The following BCAP29 variants were observed in gnomAD, a reference collection of about 807,000 sequenced individuals.
BCAP29 encodes B-cell receptor-associated protein 29.
In BCAP29, 34 loss-of-function variants were observed where a neutral mutation model predicts 31.8. The observed-to-expected ratio is 1.07, with a 90% CI of 0.81 to 1.42. The LOEUF (loss-of-function observed/expected upper bound fraction) is 1.42. Among genes scored for constraint, BCAP29 ranks in the 40% most tolerant of loss-of-function variants. The pLI, the probability that BCAP29 is intolerant of heterozygous loss-of-function variation, is 0.00. For missense variants in BCAP29, 314 were observed against 269.2 expected (o/e 1.17, Z -1.16); for synonymous variants, 104 against 91.3 (o/e 1.14, Z -0.79).
intron 3 of BCAP29, among the ~76,000 whole-genome samples, chr7:107,592,103 C>T (rs1808975179): frequency 6.6e-6 from 1 of 151,896 alleles, no homozygotes; most frequent in South Asian, 2.1e-4. Context: ...TGAGAACTTT[C>T]TAGAAAACAA....
chr7:107,593,008 A>G (rs1809156845), intron 3 of BCAP29, among the ~76,000 whole-genome samples: 1 of 152,224 alleles, frequency 6.6e-6, no homozygotes. Context: ...CTTTGTGAAT[A>G]TACTAAAAAC....
chr7:107,609,813 C>T (rs748854551), intron 6 of BCAP29, among the ~76,000 whole-genome samples: 10 of 152,102 alleles, frequency 6.6e-5, no homozygotes, highest in Non-Finnish European at 1.2e-4. Flanking sequence ...CTTGAATTCT[C>T]AGAAAGAGAA....
chr7:107,596,749 TA>T (rs1809888969), intron 5 of BCAP29, among the ~76,000 whole-genome samples: 1 of 152,232 alleles, frequency 6.6e-6, no homozygotes, highest in Non-Finnish European at 1.5e-5. Flanking sequence ...TGGAAAGTGT[TA>T]TTTTTTTCAT....
At chr7:107,584,627 C>G (rs1436791474) in intron 3 of BCAP29, among the ~76,000 whole-genome samples, 2 of 152,060 alleles carry the variant, frequency 1.3e-5, no homozygotes, top group Non-Finnish European at 2.9e-5. Context: ...GGAGGATTGC[C>G]TGAGCCCAGA....
chr7:107,582,332 G>T (rs1806840355), intron 2 of BCAP29, among the ~76,000 whole-genome samples: 1 of 152,136 alleles, frequency 6.6e-6, no homozygotes, highest in African/African-American at 2.4e-5. Context: ...ATATATAAAT[G>T]TGTTCTCATG....
At chr7:107,617,390 C>G (rs944163883) in intron 7 of BCAP29, among the ~76,000 whole-genome samples, 1 of 152,118 alleles carries the variant, frequency 6.6e-6, no homozygotes, top group African/African-American at 2.4e-5. Flanking sequence ...GGTCCCCTCC[C>G]TGTTATAGGC....
intron 6 of BCAP29, among the ~76,000 whole-genome samples, chr7:107,608,803 G>T (rs1039976114): frequency 6.6e-6 from 1 of 152,130 alleles, no homozygotes; most frequent in Non-Finnish European, 1.5e-5. Context: ...ACTTTGTATT[G>T]TTCACCTGAC....
intron 2 of BCAP29, among the ~76,000 whole-genome samples, chr7:107,582,118 CAAGAG>C (rs1216584662): frequency 6.6e-6 from 1 of 152,070 alleles, no homozygotes; most frequent in Non-Finnish European, 1.5e-5. Context: ...CCTATATACT[CAAGAG>C]AAAGAAAGAT....
rs767058768 is a variant in BCAP29 at position 107,583,926 on chromosome 7, C to A, written c.137C>A (p.Thr46Asn). ...FSFNVWGKIA[T>N]FWNKAFLTII... is the part of the protein sequence containing the mutation. ...TTTAATGTCTGGGGTAAAATTGCAA[C>A]TTTTTGGAACAAGGCTTTCCTTACC... The change falls in exon 3 of 8, where the codon ACT becomes AAT. Residue 46 changes from threonine (T) to asparagine (N), a missense_variant. Coordinates refer to ENST00000005259, the MANE Select transcript of BCAP29 (RefSeq NM_018844.4). 1.9e-6 allele frequency: 3 copies of A among 1,587,022 alleles called. No individual in the cohort carries two copies. The highest frequency in any genetic ancestry group is 2.6e-6 in the Non-Finnish European group (3 of 1,166,006).
intron 5 of BCAP29, 99 bp downstream of exon 5, chr7:107,596,101 G>A: frequency 9.6e-7 from 1 of 1,043,428 alleles, no homozygotes; most frequent in Non-Finnish European, 1.3e-6. Flanking sequence ...TATTTTATAA[G>A]CAGAAAATGA....
At chr7:107,594,247 G>T in intron 4 of BCAP29, 142 bp downstream of exon 4, 1 of 710,534 alleles carries the variant, frequency 1.4e-6, no homozygotes, top group South Asian at 2.0e-5. Flanking sequence ...GCAGTGCAGT[G>T]GTGCCTTCAT....
At chr7:107,607,801 A>C (rs1812392836) in intron 6 of BCAP29, among the ~76,000 whole-genome samples, 1 of 151,604 alleles carries the variant, frequency 6.6e-6, no homozygotes, top group South Asian at 2.1e-4. Flanking sequence ...CACCATGCCC[A>C]GCTAATTTTT....
At chr7:107,611,946 G>T (rs1247256999) in intron 6 of BCAP29, among the ~76,000 whole-genome samples, 1 of 152,080 alleles carries the variant, frequency 6.6e-6, no homozygotes, top group Non-Finnish European at 1.5e-5. Context: ...TCTAAGTAGT[G>T]ACTACCGTAT....
chr7:107,608,974 GCT>G (rs1439780112), intron 6 of BCAP29, among the ~76,000 whole-genome samples: 2 of 152,204 alleles, frequency 1.3e-5, no homozygotes, highest in African/African-American at 2.4e-5. Flanking sequence ...ATAAGACACA[GCT>G]CTGTTTCTTG....
chr7:107,598,027 C>G (rs1207806098), intron 5 of BCAP29, among the ~76,000 whole-genome samples: 1 of 152,022 alleles, frequency 6.6e-6, no homozygotes, highest in Non-Finnish European at 1.5e-5. Flanking sequence ...TTTCAGTGTT[C>G]TTGGTCTTTC....
At chr7:107,593,716 A>G (rs1809295574) in intron 3 of BCAP29, among the ~76,000 whole-genome samples, 1 of 152,196 alleles carries the variant, frequency 6.6e-6, no homozygotes, top group Non-Finnish European at 1.5e-5. Flanking sequence ...GGTAAGTACT[A>G]GATGAATAAT....
At chr7:107,622,941 A>T (rs1328092100), downstream of BCAP29, 1 of 151,226 alleles carries the variant, frequency 6.6e-6, no homozygotes, top group East Asian at 1.9e-4. Context: ...CCAGTTTTGT[A>T]TTTTTTTTTA....
Position 107,618,714 on chromosome 7 carries a change from G to A in BCAP29, c.*351G>A. ...GTTGCATGAAACCATTAATAGCCTT[G>A]AAAGCTTTGATAAGTTTTCAGTAAT... On this transcript the variant is annotated 3_prime_UTR_variant, in exon 8 of 8. Coordinates refer to ENST00000005259, the MANE Select transcript of BCAP29 (RefSeq NM_018844.4). 6 of 822,266 alleles carry A rather than the reference G, an allele frequency of 7.3e-6. No homozygotes were observed. The highest frequency in any genetic ancestry group is 1.7e-5 in the African/African-American group (1 of 57,876). 50.9% of individuals were successfully genotyped at this position (822,266 alleles called of 1,614,324 possible). A position where few individuals can be genotyped will look rare whatever the true frequency, so the allele number is the denominator to read the frequency against.
At chr7:107,621,497 A>G (rs1169092524), downstream of BCAP29, 3 of 353,160 alleles carry the variant, frequency 8.5e-6, no homozygotes, top group South Asian at 2.2e-5. Flanking sequence ...AGATATCCCT[A>G]TACCAATCCC....
Sources: allele counts gnomAD v4.1 joint callset (sites outside exome capture counted in the v4.1 genomes callset), GRCh38; gene constraint gnomAD v4.1.1; transcripts MANE v1.5; gene names NCBI Gene and HGNC (gene_info 2026-07-23, HGNC 2026-07-21).